Variants in GULP1 observed in about 807,000 individuals in gnomAD.
The protein encoded by GULP1 is GULP PTB domain containing engulfment adaptor 1.
Under a neutral mutation model 40.9 loss-of-function variants are expected in GULP1, and 19 were observed. That is an observed-to-expected ratio of 0.46 (90% CI 0.32 to 0.68). The LOEUF (loss-of-function observed/expected upper bound fraction) is 0.68, where lower values mean the gene tolerates loss of function less well. Among genes scored for constraint, GULP1 ranks in the 30% least tolerant of loss-of-function variants. The pLI is 0.03. For synonymous variants in GULP1, 119 were observed against 117.6 expected (o/e 1.01, Z -0.08); for missense variants, 312 against 362.2 (o/e 0.86, Z 1.12).
At chr2:188,446,649 G>A (rs938216725) in intron 2 of GULP1, among the ~76,000 whole-genome samples, 13 of 152,164 alleles carry the variant, frequency 8.5e-5, no homozygotes, top group Non-Finnish European at 1.8e-4. Context: ...TTCAGTGCCA[G>A]TGCTTGTTAC....
At chr2:188,578,772 C>T (rs187455648) in intron 9 of GULP1, among the ~76,000 whole-genome samples, 1 of 152,198 alleles carries the variant, frequency 6.6e-6, no homozygotes, top group East Asian at 1.9e-4. Context: ...CCATGTACTT[C>T]TGTAGGACAA....
In GULP1 at chr2:188,432,649, TAATC is replaced by T. The variant is rs989908369; in HGVS notation, c.-44-45006_-44-45003del. Among the ~76,000 whole-genome samples, 3 of 152,098 alleles carry T rather than the reference TAATC, an allele frequency of 2.0e-5. 1 individual carries two copies. Among genetic ancestry groups the T allele is most frequent in the Non-Finnish European group, 4.4e-5 (3 of 67,956 alleles). On this transcript the variant is annotated intron_variant, in intron 2 of 11. Coordinates refer to ENST00000409830, the MANE Select transcript of GULP1 (RefSeq NM_016315.4). ...TAGCAGAGATAAATATAAAACTGCT[TAATC>T]AATAAATTCAGAAAAAAATGTATAT...
At chr2:188,373,338 A>G (rs747601170) in intron 1 of GULP1, among the ~76,000 whole-genome samples, 2 of 151,920 alleles carry the variant, frequency 1.3e-5, no homozygotes, top group Non-Finnish European at 2.9e-5. Context: ...ACTTTTATTT[A>G]TTTAATAGTT....
At position 188,300,784 on chromosome 2, in the gene GULP1, T is replaced by G. The variant is rs557058950; in HGVS notation, c.-172+8618T>G. ...ATAGTTAATATATAGAGCTTCACATTTATAAATCAGTTTAGTAGGTCTGGA... is the reference window on the plus strand; with the variant it reads ...ATAGTTAATATATAGAGCTTCACATGTATAAATCAGTTTAGTAGGTCTGGA... On this transcript the variant is annotated intron_variant, in intron 1 of 11. Coordinates refer to ENST00000409830, the MANE Select transcript of GULP1 (RefSeq NM_016315.4). 9.8e-5 allele frequency among the ~76,000 whole-genome samples: 15 copies of G among 152,300 alleles called. No homozygotes were observed. In the East Asian group the frequency reaches 2.9e-3, roughly 29 times the overall value.
chr2:188,554,843 T>C (rs76670844), intron 7 of GULP1, among the ~76,000 whole-genome samples: 10,245 of 152,144 alleles, frequency 0.067, 424 homozygotes, highest in Non-Finnish European at 0.085. Context: ...TATACTTAGA[T>C]TTTTTAAAAT....
At chr2:188,351,556 G>A (rs67919447) in intron 1 of GULP1, among the ~76,000 whole-genome samples, 30,709 of 152,060 alleles carry the variant, frequency 0.2, 3,295 homozygotes, top group African/African-American at 0.27. Context: ...TTATAGCACA[G>A]TAATGTAAAC....
intron 4 of GULP1, among the ~76,000 whole-genome samples, chr2:188,504,270 T>C (rs2063702408): frequency 6.6e-6 from 1 of 151,908 alleles, no homozygotes; most frequent in South Asian, 2.1e-4. Context: ...TATTTTCAAT[T>C]TGGAAAACAT....
rs115889032 is a variant in GULP1, at chr2:188,583,102, G to A, written c.610-1163G>A. On this transcript the variant is annotated intron_variant, in intron 9 of 11. Coordinates refer to ENST00000409830, the MANE Select transcript of GULP1 (RefSeq NM_016315.4). ...AAGAGTAGAGATATAGAAGTGAGAG[G>A]GGATACAGGAATGGGATAATTAGGG... Among the ~76,000 whole-genome samples the A allele has an allele frequency of 3.6e-3, 545 of 151,988 alleles. 4 individuals carry two copies. The highest frequency in any genetic ancestry group is 0.012 in the African/African-American group (496 of 41,466).
intron 4 of GULP1, among the ~76,000 whole-genome samples, chr2:188,501,731 A>G (rs2063454168): frequency 1.3e-5 from 2 of 151,976 alleles, no homozygotes; most frequent in South Asian, 2.1e-4. Context: ...TATAAGCCAT[A>G]TAGAACTACA....
At chr2:188,388,386 A>G (rs1476117756) in intron 2 of GULP1, among the ~76,000 whole-genome samples, 2 of 141,074 alleles carry the variant, frequency 1.4e-5, no homozygotes, top group Admixed American at 7.1e-5. Flanking sequence ...AAAAAAAAGT[A>G]GAAAAACTTA....
chr2:188,428,480 T>C (rs972213125), intron 2 of GULP1, among the ~76,000 whole-genome samples: 6 of 152,110 alleles, frequency 3.9e-5, no homozygotes, highest in African/African-American at 1.4e-4. Flanking sequence ...GGGAGGTGAT[T>C]TGATTATGGG....
chr2:188,384,417 C>G (rs952094373), intron 2 of GULP1: 2 of 152,130 alleles, frequency 1.3e-5, no homozygotes, highest in African/African-American at 2.4e-5. Context: ...ATGATTCAAT[C>G]ACCTCCCACC....
At chr2:188,567,023 G>GA (rs568782340) in intron 7 of GULP1, among the ~76,000 whole-genome samples, 44 of 150,554 alleles carry the variant, frequency 2.9e-4, no homozygotes, top group South Asian at 1.0e-3. Context: ...AGAAGCATAT[G>GA]AAAAAAAAAC....
At chr2:188,590,609 G>T (rs1703362702) in intron 11 of GULP1, 1 of 152,120 alleles carries the variant, frequency 6.6e-6, no homozygotes, top group South Asian at 2.1e-4. Flanking sequence ...ATGCAGAAAT[G>T]TTAGACCATA....
At chr2:188,580,494 A>C (rs2153454373) in intron 9 of GULP1, among the ~76,000 whole-genome samples, 1 of 150,310 alleles carries the variant, frequency 6.7e-6, no homozygotes, top group East Asian at 2.0e-4. Flanking sequence ...CGGAGCTTGC[A>C]GTGAGCCGAG....
intron 4 of GULP1, among the ~76,000 whole-genome samples, chr2:188,503,701 C>A (rs1383100876): frequency 6.6e-6 from 1 of 151,900 alleles, no homozygotes; most frequent in African/African-American, 2.4e-5. Context: ...TAGCAGTCTC[C>A]TTTTCTTGTA....
At chr2:188,362,584 G>T (rs1203393449) in intron 1 of GULP1, among the ~76,000 whole-genome samples, 1 of 152,104 alleles carries the variant, frequency 6.6e-6, no homozygotes, top group African/African-American at 2.4e-5. Context: ...AGGTAAACGT[G>T]TTAAAGGTCT....
At chr2:188,581,057 T>C in intron 9 of GULP1, among the ~76,000 whole-genome samples, 1 of 152,124 alleles carries the variant, frequency 6.6e-6, no homozygotes, top group East Asian at 1.9e-4. Flanking sequence ...TTTGGAGGAA[T>C]TGAATCTAGT....
chr2:188,461,318 C>CTTTTT (rs549518354), intron 2 of GULP1, among the ~76,000 whole-genome samples: 9 of 122,936 alleles, frequency 7.3e-5, no homozygotes, highest in African/African-American at 2.5e-4. Context: ...TACTGGTAAG[C>CTTTTT]TTTTTTTTTT....
Sources: gnomAD v4.1 joint callset for allele counts (sites outside exome capture counted in the v4.1 genomes callset) on GRCh38, gnomAD v4.1.1 for gene constraint, MANE v1.5 for transcripts, NCBI Gene and HGNC (gene_info 2026-07-23, HGNC 2026-07-21) for gene names.